The following SOBP variants were observed in gnomAD, a reference collection of about 807,000 sequenced individuals.
SOBP encodes sine oculis binding protein homolog, also known as sine oculis-binding protein homolog.
SOBP carries 4 observed loss-of-function variants against 53.6 expected under a neutral mutation model. The observed-to-expected ratio is 0.07, with a 90% CI of 0.04 to 0.17. SOBP has a LOEUF of 0.17. SOBP is among the 10% of genes least tolerant of loss of function. The pLI is 1.00. For synonymous variants in SOBP, 584 were observed against 522.6 expected (o/e 1.12, Z -1.60); for missense variants, 1,088 against 1,204.7 (o/e 0.90, Z 1.43).
At chr6:107,505,641 G>A (rs1267443381) in intron 2 of SOBP, among the ~76,000 whole-genome samples, 1 of 150,488 alleles carries the variant, frequency 6.6e-6, no homozygotes, top group Non-Finnish European at 1.5e-5. Context: ...GTTTTGTTTT[G>A]TTTTGTTTTG....
At chr6:107,562,620 G>A (rs986477588) in intron 4 of SOBP, among the ~76,000 whole-genome samples, 3 of 152,256 alleles carry the variant, frequency 2.0e-5, no homozygotes, top group South Asian at 4.1e-4. Context: ...TTTGTTCTGG[G>A]GCAAACAGTT....
chr6:107,582,486 C>T (rs1490677537), intron 4 of SOBP, among the ~76,000 whole-genome samples: 2 of 150,970 alleles, frequency 1.3e-5, no homozygotes, highest in Non-Finnish European at 2.9e-5. Flanking sequence ...AAAATGGTTA[C>T]ACAACTGTCA....
At chr6:107,501,626 T>C (rs1318241328) in intron 1 of SOBP, among the ~76,000 whole-genome samples, 1 of 152,194 alleles carries the variant, frequency 6.6e-6, no homozygotes, top group African/African-American at 2.4e-5. Flanking sequence ...GCCTCATCCT[T>C]GGAGATTTCT....
intron 3 of SOBP, among the ~76,000 whole-genome samples, chr6:107,507,678 ATTC>A (rs1442693546): frequency 5.9e-5 from 9 of 152,084 alleles, no homozygotes; most frequent in South Asian, 2.1e-4. Flanking sequence ...AGACAAGACA[ATTC>A]TTCTTCCAAT....
intron 5 of SOBP, among the ~76,000 whole-genome samples, chr6:107,612,123 A>G (rs1562099965): frequency 6.6e-6 from 1 of 152,208 alleles, no homozygotes; most frequent in African/African-American, 2.4e-5. Flanking sequence ...TTCTGAGGAC[A>G]AGACCTGGAG....
chr6:107,562,406 C>G (rs372348538), intron 4 of SOBP, among the ~76,000 whole-genome samples: 1 of 152,080 alleles, frequency 6.6e-6, no homozygotes, highest in South Asian at 2.1e-4. Flanking sequence ...GTCTTTAGAC[C>G]GTGACAAGCC....
chr6:107,508,084 CTTA>C (rs1783048754), intron 3 of SOBP, among the ~76,000 whole-genome samples: 1 of 152,114 alleles, frequency 6.6e-6, no homozygotes, highest in African/African-American at 2.4e-5. Flanking sequence ...AACAGCAGTA[CTTA>C]TTATAACATA....
At chr6:107,490,734 C>T (rs769465352) in intron 1 of SOBP, 22 bp downstream of exon 1, 2 of 1,540,972 alleles carry the variant, frequency 1.3e-6, no homozygotes, top group Admixed American at 3.7e-5. Flanking sequence ...TCTCGGGGGC[C>T]AGGGAGACTG....
intron 5 of SOBP, among the ~76,000 whole-genome samples, chr6:107,614,929 A>G (rs917375276): frequency 4.6e-5 from 7 of 152,160 alleles, no homozygotes; most frequent in South Asian, 2.1e-4. Context: ...CTGTTTGGGG[A>G]TTTGTTTCCG....
intron 5 of SOBP, among the ~76,000 whole-genome samples, chr6:107,630,282 T>G (rs1203580661): frequency 6.6e-6 from 1 of 152,204 alleles, no homozygotes; most frequent in East Asian, 1.9e-4. Context: ...AAATAAAATG[T>G]AAAGCTGTCA....
intron 1 of SOBP, among the ~76,000 whole-genome samples, chr6:107,494,613 C>T (rs979524230): frequency 6.6e-6 from 1 of 152,200 alleles, no homozygotes; most frequent in African/African-American, 2.4e-5. Flanking sequence ...GGAAACTTTC[C>T]TAAACAAACC....
intron 1 of SOBP, 38 bp from the exon 2 acceptor site, chr6:107,503,619 A>G: frequency 6.2e-7 from 1 of 1,610,820 alleles, no homozygotes; most frequent in South Asian, 1.1e-5. Flanking sequence ...GTAGTTATTG[A>G]TTATAGAAAT....
At chr6:107,617,628 A>T (rs887809013) in intron 5 of SOBP, among the ~76,000 whole-genome samples, 20 of 152,192 alleles carry the variant, frequency 1.3e-4, no homozygotes, top group Non-Finnish European at 2.6e-4. Context: ...ATGTTTAATT[A>T]TTGAAAACCC....
chr6:107,584,347 C>T (rs1157087986), intron 4 of SOBP, among the ~76,000 whole-genome samples: 1 of 151,774 alleles, frequency 6.6e-6, no homozygotes, highest in Non-Finnish European at 1.5e-5. Flanking sequence ...TACACTTATT[C>T]CTGTCATAGT....
chr6:107,518,262 A>G (rs1214143785), intron 3 of SOBP, among the ~76,000 whole-genome samples: 4 of 152,208 alleles, frequency 2.6e-5, no homozygotes, highest in Non-Finnish European at 5.9e-5. Context: ...ATTACTCATT[A>G]GGGACATCAG....
intron 4 of SOBP, among the ~76,000 whole-genome samples, chr6:107,563,275 A>G (rs989280060): frequency 6.6e-6 from 1 of 152,228 alleles, no homozygotes; most frequent in Admixed American, 6.5e-5. Flanking sequence ...AAGAAAAATA[A>G]GAATAATCGA....
intron 4 of SOBP, among the ~76,000 whole-genome samples, chr6:107,575,156 G>A (rs1785189315): frequency 6.6e-6 from 1 of 152,108 alleles, no homozygotes; most frequent in African/African-American, 2.4e-5. Flanking sequence ...TAGGCAAGTT[G>A]CTTAACTTCT....
chr6:107,656,343 G>GAGAA (rs1554193553), intron 6 of SOBP, among the ~76,000 whole-genome samples: 1 of 50,830 alleles, frequency 2.0e-5, no homozygotes, highest in Non-Finnish European at 6.4e-5. Flanking sequence ...AAGAAAGAAA[G>GAGAA]AGAAAGAAAG....
At position 107,635,488 on chromosome 6, in the gene SOBP, C is replaced by G; in HGVS notation, c.*3+19C>G. 1 of 1,611,268 alleles carries G rather than the reference C, an allele frequency of 6.2e-7. No individual in the cohort carries two copies. The highest frequency in any genetic ancestry group is 8.5e-7 in the Non-Finnish European group (1 of 1,179,962). On this transcript the variant is annotated intron_variant, in intron 6 of 6. Coordinates refer to ENST00000317357, the MANE Select transcript of SOBP (RefSeq NM_018013.4). This position sits in a 1 kb window ranked among gnomAD's most constrained non-coding sequence, Gnocchi z 4.5. ...GTAAAAGGTTTGTATGTCCGCCGGG[C>G]GCTCCTCCACACCAGCCAGTGCACC...
Sources: gnomAD v4.1 joint callset for allele counts (sites outside exome capture counted in the v4.1 genomes callset) on GRCh38, gnomAD v4.1.1 for gene constraint, Gnocchi (gnomAD v3.1) non-coding constraint, MANE v1.5 for transcripts, NCBI Gene and HGNC (gene_info 2026-07-23, HGNC 2026-07-21) for gene names.